The following OS9 variants were observed in gnomAD, a reference collection of about 807,000 sequenced individuals.
The protein encoded by OS9 is protein OS-9.
A neutral mutation model predicts 84.7 loss-of-function variants in OS9; 58 were observed. The observed-to-expected ratio is 0.68, with a 90% CI of 0.55 to 0.85. OS9 has a LOEUF of 0.85. OS9 is among the 40% of genes least tolerant of loss of function. The pLI is 0.00. For missense variants in OS9, 760 were observed against 850.9 expected (o/e 0.89, Z 1.33); for synonymous variants, 278 against 320.8 (o/e 0.87, Z 1.43).
chr12:57,716,243 T>C (rs754938675), intron 7 of OS9, 50 bp downstream of exon 7: 1 of 1,020,546 alleles, frequency 9.8e-7, no homozygotes, highest in Admixed American at 2.1e-5. Flanking sequence ...ATTTCTTCCC[T>C]TCCCCTGATC....
chr12:57,696,136 G>A (rs1163687678), intron 4 of OS9, 98 bp downstream of exon 4: 5 of 1,226,714 alleles, frequency 4.1e-6, no homozygotes, highest in African/African-American at 3.0e-5. Context: ...CTGTTTCTTG[G>A]GGCTTGGTGG....
intron 5 of OS9, among the ~76,000 whole-genome samples, chr12:57,708,688 G>A (rs1253503359): frequency 6.6e-6 from 1 of 151,182 alleles, no homozygotes; most frequent in Middle Eastern, 3.2e-3. Flanking sequence ...TTATATAGTT[G>A]TATCATTTTT....
rs1007220658 is a variant in OS9 at position 57,720,976 on chromosome 12, C to G, written c.*67C>G. On this transcript the variant is annotated 3_prime_UTR_variant, in exon 15 of 15. Transcript: ENST00000315970. Reference sequence around the variant, plus strand: ...CCTGGACTGGCTTGCCTCCTCCCCACCTCCCCACCCTGGAACCCCTGAGGG... The same window carrying G: ...CCTGGACTGGCTTGCCTCCTCCCCAGCTCCCCACCCTGGAACCCCTGAGGG... 3 of 1,577,894 alleles carry G rather than the reference C, an allele frequency of 1.9e-6. No individual in the cohort carries two copies. Among genetic ancestry groups the G allele is most frequent in the Admixed American group, 3.4e-5 (2 of 59,400 alleles).
intron 5 of OS9, among the ~76,000 whole-genome samples, chr12:57,708,016 C>A (rs537536086): frequency 5.0e-4 from 76 of 151,838 alleles, no homozygotes; most frequent in African/African-American, 1.7e-3. Context: ...TCTCTTCAAC[C>A]CAGGAGGTCA....
chr12:57,697,222 C>T (rs1048691585), intron 5 of OS9, among the ~76,000 whole-genome samples: 1 of 152,168 alleles, frequency 6.6e-6, no homozygotes, highest in Admixed American at 6.6e-5. Context: ...TCCCATGATG[C>T]GCAAGTCAAA....
At chr12:57,699,701 A>G (rs1170686881) in intron 5 of OS9, among the ~76,000 whole-genome samples, 1 of 152,272 alleles carries the variant, frequency 6.6e-6, no homozygotes. Flanking sequence ...GGCACCCCTG[A>G]CCAGTCCTTT....
chr12:57,713,098 T>C (rs1954379270), intron 5 of OS9, among the ~76,000 whole-genome samples: 1 of 152,214 alleles, frequency 6.6e-6, no homozygotes, highest in Non-Finnish European at 1.5e-5. Context: ...GCCCTTTCCC[T>C]GGTTCTCTCT....
In OS9 at chr12:57,709,574, T is replaced by C. The variant is rs73335916; in HGVS notation, c.580-6186T>C. Among the ~76,000 whole-genome samples the C allele has an allele frequency of 3.3e-3, 507 of 152,322 alleles. 1 individual carries two copies. The highest frequency in any genetic ancestry group is 0.011 in the African/African-American group (467 of 41,582). On this transcript the variant is annotated intron_variant, in intron 5 of 14. Coordinates refer to ENST00000315970, the MANE Select transcript of OS9 (RefSeq NM_006812.4). ...GTATGTTTGCGCTTGAAAGCATGTC[T>C]TTTCTCCAATTAAGCAGTTCAAGAT...
chr12:57,716,285 G>GA (rs1161627125), intron 7 of OS9, 92 bp downstream of exon 7: 2 of 760,084 alleles, frequency 2.6e-6, no homozygotes, highest in Non-Finnish European at 2.3e-6. Context: ...GGGGTGGGGG[G>GA]GGGTGGAAAA....
chr12:57,694,420 C>CG, intron 1 of OS9, 97 bp downstream of exon 1: 1 of 1,302,176 alleles, frequency 7.7e-7, no homozygotes, highest in East Asian at 2.4e-5. Flanking sequence ...CTGGAGCCTA[C>CG]GGGGAATCGG....
intron 5 of OS9, among the ~76,000 whole-genome samples, chr12:57,697,955 A>ACG (rs1355705620): frequency 7.5e-6 from 1 of 132,834 alleles, no homozygotes; most frequent in Non-Finnish European, 1.6e-5. Context: ...ACACACACAC[A>ACG]CACACACACA....
chr12:57,702,044 C>T (rs1259953575), intron 5 of OS9, among the ~76,000 whole-genome samples: 2 of 152,122 alleles, frequency 1.3e-5, no homozygotes, highest in Admixed American at 6.5e-5. Context: ...ATCCGTCCAC[C>T]TTGGCCTCCC....
chr12:57,701,244 T>C (rs1383476330), intron 5 of OS9, among the ~76,000 whole-genome samples: 2 of 149,212 alleles, frequency 1.3e-5, no homozygotes, highest in African/African-American at 2.5e-5. Flanking sequence ...TGGCATGACA[T>C]GGAACTCTGG....
intron 12 of OS9, 63 bp downstream of exon 12, chr12:57,719,245 G>C: frequency 7.0e-7 from 1 of 1,420,010 alleles, no homozygotes; most frequent in Non-Finnish European, 9.8e-7. Flanking sequence ...AGCTGGTTCT[G>C]TTCCCAGAGG....
chr12:57,718,881 G>T, intron 11 of OS9, 112 bp from the exon 12 acceptor site: 1 of 774,758 alleles, frequency 1.3e-6, no homozygotes, highest in South Asian at 1.7e-5. Flanking sequence ...CTCCAGCCTG[G>T]GTGATAAGCA....
chr12:57,696,450 G>A (rs771964518), intron 5 of OS9, 77 bp downstream of exon 5: 6 of 106,914 alleles, frequency 5.6e-5, no homozygotes, highest in Non-Finnish European at 1.3e-4. Context: ...GCATCTTATA[G>A]TCGGGGCGGG....
At chr12:57,697,942 C>CGGA (rs1953912797) in intron 5 of OS9, among the ~76,000 whole-genome samples, 2 of 150,616 alleles carry the variant, frequency 1.3e-5, no homozygotes, top group African/African-American at 4.9e-5. Context: ...CACACACACA[C>CGGA]ACACACACAC....
chr12:57,714,744 C>T lies in OS9; in HGVS notation c.580-1016C>T, dbSNP rs868586845. ...CCAAGTTGCTAAGACTACAGGTGCA[C>T]ACCACCACACCTCGCTAATTTTTAA... On this transcript the variant is annotated intron_variant, in intron 5 of 14. Coordinates refer to ENST00000315970, the MANE Select transcript of OS9 (RefSeq NM_006812.4). 2.6e-5 allele frequency among the ~76,000 whole-genome samples: 4 copies of T among 152,056 alleles called. No homozygotes were observed. In the South Asian group the frequency reaches 8.3e-4, roughly 32 times the overall value.
At chr12:57,695,395 G>A (rs1383174582) in intron 2 of OS9, 3 of 424,566 alleles carry the variant, frequency 7.1e-6, no homozygotes, top group Non-Finnish European at 1.3e-5. Flanking sequence ...TATTCCCAGT[G>A]GCCAGAACAG....
Sources: allele counts gnomAD v4.1 joint callset (sites outside exome capture counted in the v4.1 genomes callset), GRCh38; gene constraint gnomAD v4.1.1; transcripts MANE v1.5; gene names NCBI Gene and HGNC (gene_info 2026-07-23, HGNC 2026-07-21).